ERBB4: variants seen among roughly 807,000 people sequenced by gnomAD.
ERBB4 encodes erb-b2 receptor tyrosine kinase 4.
A neutral mutation model predicts 158.0 loss-of-function variants in ERBB4; 42 were observed. The observed-to-expected ratio is 0.27, with a 90% CI of 0.21 to 0.34. The LOEUF (loss-of-function observed/expected upper bound fraction) is 0.34, where lower values mean the gene tolerates loss of function less well. Among genes scored for constraint, ERBB4 ranks in the 10% least tolerant of loss-of-function variants. ERBB4 has a pLI of 1.00. For synonymous variants in ERBB4, 583 were observed against 558.7 expected, an observed-to-expected ratio of 1.04 and a Z score of -0.61; for missense variants, 1,333 against 1,624.1, an observed-to-expected ratio of 0.82 and a Z score of 3.08.
chr2:212,348,453 T>C (rs2089111555), intron 1 of ERBB4, among the ~76,000 whole-genome samples: 2 of 152,144 alleles, frequency 1.3e-5, no homozygotes, highest in South Asian at 4.1e-4. Flanking sequence ...ATTAGTGTTA[T>C]TACTTACAGC....
chr2:211,906,730 G>T (rs1165370744), intron 3 of ERBB4, among the ~76,000 whole-genome samples: 2 of 151,428 alleles, frequency 1.3e-5, no homozygotes, highest in Admixed American at 1.3e-4. Flanking sequence ...GTAGGCCACA[G>T]TGTCTGTTAT....
At chr2:212,538,407 G>C (rs1323198488) in intron 1 of ERBB4, 42 bp downstream of exon 1, 1 of 1,573,478 alleles carries the variant, frequency 6.4e-7, no homozygotes, top group Non-Finnish European at 8.7e-7. Context: ...AGCCCCGCCG[G>C]CGGCTGCAGG....
At chr2:211,990,626 G>A (rs1469341231) in intron 2 of ERBB4, among the ~76,000 whole-genome samples, 5 of 151,836 alleles carry the variant, frequency 3.3e-5, no homozygotes, top group Non-Finnish European at 7.4e-5. Context: ...TAAAATAGCT[G>A]GTTACACCCA....
intron 20 of ERBB4, among the ~76,000 whole-genome samples, chr2:211,556,676 A>C (rs11899850): frequency 0.27 from 41,267 of 151,956 alleles, 6,683 homozygotes; most frequent in African/African-American, 0.45. Context: ...ACCATAACAA[A>C]CACTCTCTCA....
At chr2:211,476,849 T>C (rs1409919299) in intron 20 of ERBB4, among the ~76,000 whole-genome samples, 1 of 152,052 alleles carries the variant, frequency 6.6e-6, no homozygotes, top group Non-Finnish European at 1.5e-5. Flanking sequence ...AACAAGGCAG[T>C]TGACAAAATT....
chr2:211,657,660 T>C (rs2071268485), intron 16 of ERBB4, 94 bp downstream of exon 16: 1 of 943,270 alleles, frequency 1.1e-6, no homozygotes. Context: ...TGAGTTACAA[T>C]ATATTATAAA....
At chr2:211,513,408 G>A (rs930412081) in intron 20 of ERBB4, among the ~76,000 whole-genome samples, 3 of 145,600 alleles carry the variant, frequency 2.1e-5, no homozygotes, top group Middle Eastern at 3.7e-3. Context: ...AGAAGAGTAT[G>A]TCAATGGTCA....
chr2:211,700,704 C>T lies in ERBB4; in HGVS notation c.1489+1263G>A, dbSNP rs187587011. On this transcript the variant is annotated intron_variant, in intron 12 of 27. Transcript: ENST00000342788. ...ACTTTAAAAAAGTCTTCTATTTATT[C>T]ACACACACACACGCACACACTCACA... Among the ~76,000 whole-genome samples, 33 of 151,894 alleles carry T rather than the reference C, an allele frequency of 2.2e-4. No homozygotes were observed. In the East Asian group the frequency reaches 5.6e-3, roughly 26 times the overall value.
intron 16 of ERBB4, among the ~76,000 whole-genome samples, chr2:211,654,806 T>C (rs1437247039): frequency 6.6e-6 from 1 of 152,196 alleles, no homozygotes; most frequent in Non-Finnish European, 1.5e-5. Context: ...TATTGTGGGC[T>C]ACAGGTGATT....
chr2:211,855,980 A>T (rs2077848199), intron 3 of ERBB4, among the ~76,000 whole-genome samples: 1 of 152,200 alleles, frequency 6.6e-6, no homozygotes, highest in Non-Finnish European at 1.5e-5. Context: ...CTCAGGATAC[A>T]AAGTCAGAAT....
At chr2:212,080,987 C>T (rs9973713) in intron 2 of ERBB4, among the ~76,000 whole-genome samples, 130,774 of 152,100 alleles carry the variant, frequency 0.86, 57,414 homozygotes, top group East Asian at 1. Flanking sequence ...AGAGAGCACG[C>T]TGTCAACCTT....
intron 1 of ERBB4, among the ~76,000 whole-genome samples, chr2:212,389,737 C>A (rs538436388): frequency 6.6e-6 from 1 of 152,008 alleles, no homozygotes; most frequent in East Asian, 1.9e-4. Flanking sequence ...ATATTGTGTA[C>A]TTGGCATTAT....
intron 1 of ERBB4, among the ~76,000 whole-genome samples, chr2:212,141,811 T>C (rs1255600953): frequency 1.3e-5 from 2 of 152,170 alleles, no homozygotes; most frequent in East Asian, 3.8e-4. Flanking sequence ...CCATCTGATG[T>C]CCCTGCTTTT....
chr2:211,893,358 T>C lies in ERBB4; in HGVS notation c.421+54072A>G, dbSNP rs575788185. Among the ~76,000 whole-genome samples the C allele has an allele frequency of 3.5e-5, 5 of 143,926 alleles. No individual in the cohort carries two copies. In the South Asian group the frequency reaches 6.3e-4, roughly 18 times the overall value. 94.4% of individuals were successfully genotyped at this position (143,926 alleles called of 152,430 possible). ...GTGCTGGGAAAACTGGCTAGCCATA[T>C]GTAGAAAGCTGAAACTGGATCCCTT... On this transcript the variant is annotated intron_variant, in intron 3 of 27. Coordinates refer to ENST00000342788, the MANE Select transcript of ERBB4 (RefSeq NM_005235.3).
intron 16 of ERBB4, among the ~76,000 whole-genome samples, chr2:211,649,666 G>GT (rs2070910803): frequency 6.6e-6 from 1 of 151,814 alleles, no homozygotes; most frequent in African/African-American, 2.4e-5. Context: ...TCTACTAAAA[G>GT]TAACTATAAT....
At chr2:212,252,279 A>G (rs991799063) in intron 1 of ERBB4, among the ~76,000 whole-genome samples, 2 of 152,076 alleles carry the variant, frequency 1.3e-5, no homozygotes, top group East Asian at 3.9e-4. Context: ...GAACTCCAAC[A>G]TTTAGAGGTA....
At position 211,388,078 on chromosome 2, in the gene ERBB4, C is replaced by T. The variant is rs527904448; in HGVS notation, c.3136-86G>A. On this transcript the variant is annotated intron_variant, in intron 25 of 27. Coordinates refer to ENST00000342788, the MANE Select transcript of ERBB4 (RefSeq NM_005235.3). ...AAAAAAAGAAACGAAAAAGAAAAGC[C>T]ACATGGGTCGTATGAACCAAAGGGG... The T allele has an allele frequency of 3.8e-6, 4 of 1,063,954 alleles. No homozygotes were observed. In the South Asian group the frequency reaches 5.2e-5, roughly 14 times the overall value. 65.9% of individuals were successfully genotyped at this position (1,063,954 alleles called of 1,614,324 possible). A position where few individuals can be genotyped will look rare whatever the true frequency, so the allele number is the denominator to read the frequency against.
chr2:211,384,007 C>G lies in ERBB4; in HGVS notation c.3535G>C (p.Asp1179His), dbSNP rs775424927. The change falls in exon 28 of 28, where the codon GAC becomes CAC. Residue 1179 changes from aspartate (D) to histidine (H), a missense_variant. By Grantham distance (81) the Asp-to-His change is moderately conservative (BLOSUM62 -1). Around this residue, in one of 5 missense-constraint regions of ERBB4, gnomAD observed 252 missense variants for 241.3 expected, o/e 1.04. Coordinates refer to ENST00000342788, the MANE Select transcript of ERBB4 (RefSeq NM_005235.3). ...NPFVSRRKNG[D>H]LQALDNPEYH... ...TCGGGATTATCCAATGCTTGAAGGT[C>G]TCCATTTTTTCTCCGAGAAACAAAA... is the stretch of plus-strand genomic sequence containing the variant. The G allele has an allele frequency of 1.2e-6, 2 of 1,613,972 alleles. No homozygotes were observed. Among genetic ancestry groups the G allele is most frequent in the Non-Finnish European group, 1.7e-6 (2 of 1,179,956 alleles).
chr2:212,288,224 C>T (rs1034197793), intron 1 of ERBB4, among the ~76,000 whole-genome samples: 10 of 152,044 alleles, frequency 6.6e-5, no homozygotes, highest in African/African-American at 2.4e-4. Flanking sequence ...TCAAGAAAAT[C>T]CCTTTGCTTG....
Sources: allele counts gnomAD v4.1 joint callset (sites outside exome capture counted in the v4.1 genomes callset), GRCh38; gene constraint gnomAD v4.1.1; regional missense constraint gnomAD v4.1.1; transcripts MANE v1.5; gene names NCBI Gene and HGNC (gene_info 2026-07-23, HGNC 2026-07-21).